FAM222B: variants seen among roughly 807,000 people sequenced by gnomAD.
FAM222B encodes the protein protein FAM222B.
In FAM222B, 12 loss-of-function variants were observed where a neutral mutation model predicts 38.0. That is an observed-to-expected ratio of 0.32 (90% CI 0.20 to 0.51). FAM222B has a LOEUF of 0.51. Ranked by LOEUF, FAM222B falls within the 20% of genes least tolerant of loss-of-function variation. The pLI, the probability that FAM222B is intolerant of heterozygous loss-of-function variation, is 0.97. For missense variants in FAM222B, 716 were observed against 754.2 expected (o/e 0.95, Z 0.59); for synonymous variants, 329 against 317.2 (o/e 1.04, Z -0.40).
chr17:28,759,855 C>G lies in FAM222B; in HGVS notation c.104G>C (p.Arg35Thr). The change falls in exon 3 of 3, where the codon AGA becomes ACA. Residue 35 changes from arginine to threonine, a missense_variant. Transcript: ENST00000581407. The surrounding 1 kb of genome is among the most constrained non-coding windows in gnomAD (Gnocchi z 4.8). Reference protein sequence around the residue: ...LQKWDTTQKMRTAHYPTPAEL... With the variant: ...LQKWDTTQKMTTAHYPTPAEL... Reference sequence around the variant, plus strand: ...GGCTGGGGTAGGATAGTGAGCAGTTCTCATTTTCTGTGTAGTGTCCCCTAG... The same window carrying G: ...GGCTGGGGTAGGATAGTGAGCAGTTGTCATTTTCTGTGTAGTGTCCCCTAG... 1 of 1,550,712 alleles carries G rather than the reference C, an allele frequency of 6.4e-7. No individual in the cohort carries two copies. The highest frequency in any genetic ancestry group is 1.2e-5 in the South Asian group (1 of 82,790).
chr17:28,842,355 T>G (rs903306943), intron 1 of FAM222B, among the ~76,000 whole-genome samples: 2 of 151,996 alleles, frequency 1.3e-5, no homozygotes, highest in Admixed American at 6.6e-5. Context: ...CCAGCAGAGC[T>G]TTCATCCTCC....
intron 1 of FAM222B, among the ~76,000 whole-genome samples, chr17:28,803,355 C>G (rs891641231): frequency 5.9e-5 from 9 of 152,000 alleles, no homozygotes; most frequent in African/African-American, 1.7e-4. Flanking sequence ...TCACCCTGCT[C>G]TCTCACTACT....
chr17:28,781,498 A>G (rs9895625), intron 1 of FAM222B, among the ~76,000 whole-genome samples: 28,623 of 152,010 alleles, frequency 0.19, 2,829 homozygotes, highest in South Asian at 0.3. Flanking sequence ...AACTGGAAAC[A>G]GAACTACCAT....
rs180803291 is a variant in FAM222B, at chr17:28,848,649, T to G, written c.-41+6301A>C. On this transcript the variant is annotated intron_variant, in intron 1 of 2. Transcript: ENST00000577513. Reference sequence around the variant, plus strand: ...GGTGGCTACCTGTAATCCCAGCTACTTGGGAGGCTGAGGCAGGAGAATCGC... The same window carrying G: ...GGTGGCTACCTGTAATCCCAGCTACGTGGGAGGCTGAGGCAGGAGAATCGC... Among the ~76,000 whole-genome samples the G allele has an allele frequency of 3.8e-3, 577 of 151,940 alleles. 4 individuals are homozygous for G. Among genetic ancestry groups the G allele is most frequent in the African/African-American group, 0.013 (552 of 41,450 alleles).
At chr17:28,844,899 G>A (rs2039134766), upstream of FAM222B, among the ~76,000 whole-genome samples, 1 of 151,822 alleles carries the variant, frequency 6.6e-6, no homozygotes, top group African/African-American at 2.4e-5. Flanking sequence ...CCAGGAATTC[G>A]AGACCAGCCT....
upstream of FAM222B, among the ~76,000 whole-genome samples, chr17:28,844,938 T>C (rs1054448977): frequency 7.3e-5 from 11 of 150,616 alleles, no homozygotes; most frequent in African/African-American, 2.2e-4. Context: ...CTGTCTCTAC[T>C]GAAAAAATAC....
chr17:28,826,532 A>C (rs1489429937), intron 1 of FAM222B, among the ~76,000 whole-genome samples: 1 of 151,930 alleles, frequency 6.6e-6, no homozygotes. Flanking sequence ...CACAAAAAAA[A>C]CAGCCAGGCG....
intron 1 of FAM222B, among the ~76,000 whole-genome samples, chr17:28,837,429 C>CAA (rs1169742422): frequency 9.2e-6 from 1 of 108,558 alleles, no homozygotes; most frequent in Non-Finnish European, 1.9e-5. Flanking sequence ...GACTCCGTCT[C>CAA]AAAAAAAAAA....
intron 1 of FAM222B, among the ~76,000 whole-genome samples, chr17:28,807,569 A>G (rs2037551781): frequency 1.3e-5 from 2 of 152,094 alleles, no homozygotes; most frequent in South Asian, 2.1e-4. Context: ...TATTTTTAGT[A>G]GAGATGAGGT....
At chr17:28,806,400 T>C (rs1191281798) in intron 1 of FAM222B, among the ~76,000 whole-genome samples, 2 of 152,188 alleles carry the variant, frequency 1.3e-5, no homozygotes, top group Non-Finnish European at 2.9e-5. Context: ...ACTCAGTCCA[T>C]GACTGAATTT....
intron 1 of FAM222B, among the ~76,000 whole-genome samples, chr17:28,786,720 T>G (rs752994730): frequency 6.6e-6 from 1 of 152,094 alleles, no homozygotes; most frequent in African/African-American, 2.4e-5. Context: ...ATTTCACATG[T>G]GTACTTGGCC....
At chr17:28,780,893 C>A (rs1240959435) in intron 1 of FAM222B, among the ~76,000 whole-genome samples, 4 of 150,786 alleles carry the variant, frequency 2.7e-5, no homozygotes, top group East Asian at 1.9e-4. Context: ...AAAAAAAAAA[C>A]CCAAAGAAAC....
At chr17:28,822,310 C>T (rs916055541) in intron 1 of FAM222B, among the ~76,000 whole-genome samples, 3 of 150,596 alleles carry the variant, frequency 2.0e-5, no homozygotes, top group Non-Finnish European at 3.0e-5. Context: ...TGAGCCACCA[C>T]GCCCGGCCTA....
intron 1 of FAM222B, among the ~76,000 whole-genome samples, chr17:28,831,916 G>A (rs2038680964): frequency 6.6e-6 from 1 of 152,170 alleles, no homozygotes; most frequent in Admixed American, 6.6e-5. Context: ...TGGGCCGAGT[G>A]CAGTGGCTCA....
At position 28,780,362 on chromosome 17, in the gene FAM222B, T is replaced by A. The variant is rs556231268; in HGVS notation, c.-40-13655A>T. 3.9e-5 allele frequency among the ~76,000 whole-genome samples: 6 copies of A among 152,162 alleles called. No homozygotes were observed. In the South Asian group the frequency reaches 1.2e-3, roughly 32 times the overall value. On this transcript the variant is annotated intron_variant, in intron 1 of 2. Transcript: ENST00000581407. ...TCTGCAGATGACATGATCTTACATA[T>A]AGAAAACGCTAAAGACTCCAAAAAA...
intron 1 of FAM222B, among the ~76,000 whole-genome samples, chr17:28,793,813 C>T (rs192792282): frequency 2.7e-5 from 4 of 147,444 alleles, no homozygotes; most frequent in African/African-American, 1.0e-4. Context: ...TGGTGCGATA[C>T]GGGCTCACTG....
chr17:28,801,816 T>C (rs2037244565), intron 1 of FAM222B, among the ~76,000 whole-genome samples: 2 of 152,042 alleles, frequency 1.3e-5, no homozygotes, highest in South Asian at 2.1e-4. Flanking sequence ...AGAATGAAGA[T>C]AAATAAAATG....
At chr17:28,762,025 C>T (rs1302183640) in intron 2 of FAM222B, 1 of 151,970 alleles carries the variant, frequency 6.6e-6, no homozygotes, top group Non-Finnish European at 1.5e-5. Flanking sequence ...AAGTTAGTAC[C>T]AACTCTGAGG....
At chr17:28,794,784 T>C (rs1237670966) in intron 1 of FAM222B, among the ~76,000 whole-genome samples, 1 of 152,066 alleles carries the variant, frequency 6.6e-6, no homozygotes, top group Non-Finnish European at 1.5e-5. Context: ...TCCAAAAATA[T>C]GTAACTTTCT....
Sources: allele counts gnomAD v4.1 joint callset (sites outside exome capture counted in the v4.1 genomes callset), GRCh38; gene constraint gnomAD v4.1.1; non-coding constraint Gnocchi (gnomAD v3.1); transcripts MANE v1.5; gene names NCBI Gene and HGNC (gene_info 2026-07-23, HGNC 2026-07-21).